The following CNTNAP5 variants were observed in gnomAD, a reference collection of about 807,000 sequenced individuals.
CNTNAP5 encodes the protein contactin associated protein family member 5.
Under a neutral mutation model 150.2 loss-of-function variants are expected in CNTNAP5, and 72 were observed. That is an observed-to-expected ratio of 0.48 (90% confidence interval 0.40 to 0.58). CNTNAP5 has a LOEUF of 0.58. Ranked by LOEUF, CNTNAP5 falls within the 20% of genes least tolerant of loss-of-function variation. The probability of loss-of-function intolerance (pLI) is 0.00; values close to 1 mark genes in which losing one functional copy is unlikely to be tolerated. For missense variants in CNTNAP5, 1,636 were observed against 1,626.2 expected (o/e 1.01, Z -0.10); for synonymous variants, 672 against 619.8 (o/e 1.08, Z -1.25).
intron 19 of CNTNAP5, among the ~76,000 whole-genome samples, chr2:124,849,022 G>A (rs976978921): frequency 6.6e-6 from 1 of 152,110 alleles, no homozygotes; most frequent in South Asian, 2.1e-4. Context: ...TTTGGATTTT[G>A]CTGTGTATTC....
chr2:124,235,687 T>A (rs1028218828), intron 2 of CNTNAP5, among the ~76,000 whole-genome samples: 6 of 152,152 alleles, frequency 3.9e-5, no homozygotes, highest in African/African-American at 1.4e-4. Context: ...GTTTTGTAAC[T>A]GACTTCCAGG....
At chr2:124,563,065 T>C (rs1695931083) in intron 10 of CNTNAP5, among the ~76,000 whole-genome samples, 152 bp from the exon 11 acceptor site, 1 of 152,222 alleles carries the variant, frequency 6.6e-6, no homozygotes, top group South Asian at 2.1e-4. Context: ...ATTCATACTA[T>C]TTTGATGTCA....
chr2:124,386,173 T>C (rs1293751668), intron 3 of CNTNAP5, among the ~76,000 whole-genome samples: 3 of 152,194 alleles, frequency 2.0e-5, no homozygotes, highest in Non-Finnish European at 2.9e-5. Context: ...TGCCTTTGTA[T>C]GATAGCTGCG....
At chr2:124,262,619 A>G (rs1687486603) in intron 3 of CNTNAP5, among the ~76,000 whole-genome samples, 1 of 151,856 alleles carries the variant, frequency 6.6e-6, no homozygotes, top group Admixed American at 6.6e-5. Flanking sequence ...TTTTGGGTGG[A>G]GGACAAAATA....
At chr2:124,065,073 A>G (rs1425147646) in intron 1 of CNTNAP5, among the ~76,000 whole-genome samples, 3 of 152,158 alleles carry the variant, frequency 2.0e-5, no homozygotes, top group Admixed American at 1.3e-4. Context: ...ACCTCTCTAT[A>G]GTGGATACGC....
At chr2:124,745,720 G>A (rs777377482) in intron 13 of CNTNAP5, among the ~76,000 whole-genome samples, 3 of 152,190 alleles carry the variant, frequency 2.0e-5, no homozygotes, top group African/African-American at 4.8e-5. Flanking sequence ...CATAGGAATT[G>A]AACTTACTTT....
In CNTNAP5 at chr2:124,242,266, G is replaced by C; in HGVS notation, c.254G>C (p.Arg85Thr). The change falls in exon 3 of 24, where the codon AGA (arginine) becomes ACA (threonine). Residue 85 changes from arginine to threonine, a missense_variant. Arg to Thr is a moderately conservative substitution (Grantham distance 71). Transcript: ENST00000682447. Reference protein sequence around the residue: ...QQWLQMDLGNRVEITAVATQG... With the variant: ...QQWLQMDLGNTVEITAVATQG... Reference sequence around the variant, plus strand: ...TGGCTCCAGATGGACCTGGGAAACAGAGTAGAGATTACAGCAGTGGCCACG... The same window carrying C: ...TGGCTCCAGATGGACCTGGGAAACACAGTAGAGATTACAGCAGTGGCCACG... The C allele has an allele frequency of 6.2e-7, 1 of 1,608,318 alleles. No individual in the cohort carries two copies. Among genetic ancestry groups the C allele is most frequent in the African/African-American group, 1.3e-5 (1 of 74,924 alleles).
At chr2:124,501,164 C>T (rs1377495613) in intron 7 of CNTNAP5, among the ~76,000 whole-genome samples, 2 of 152,196 alleles carry the variant, frequency 1.3e-5, no homozygotes, top group Admixed American at 1.3e-4. Flanking sequence ...TTGATCAATG[C>T]ATCCTTCCTT....
chr2:124,350,117 C>T (rs1229540003), intron 3 of CNTNAP5, among the ~76,000 whole-genome samples: 4 of 151,962 alleles, frequency 2.6e-5, no homozygotes, highest in African/African-American at 7.2e-5. Context: ...CTCTTAACCT[C>T]GTGATCCGCC....
intron 1 of CNTNAP5, among the ~76,000 whole-genome samples, chr2:124,212,871 C>T (rs541245860): frequency 2.9e-4 from 32 of 108,882 alleles, no homozygotes; most frequent in Admixed American, 2.7e-3. Context: ...TGGAGTCTTG[C>T]TCTGTCACCC....
chr2:124,259,054 G>T (rs1363998683), intron 3 of CNTNAP5, among the ~76,000 whole-genome samples: 2 of 128,392 alleles, frequency 1.6e-5, no homozygotes, highest in Non-Finnish European at 3.1e-5. Flanking sequence ...TCCCCACCCT[G>T]TGTCCAAGTG....
chr2:124,612,886 C>G (rs1384932298), intron 12 of CNTNAP5, among the ~76,000 whole-genome samples: 2 of 152,044 alleles, frequency 1.3e-5, no homozygotes, highest in Non-Finnish European at 2.9e-5. Flanking sequence ...AAACCCATCT[C>G]TACTAAAAAT....
intron 10 of CNTNAP5, among the ~76,000 whole-genome samples, chr2:124,535,981 A>C (rs1573443472): frequency 6.6e-6 from 1 of 152,158 alleles, no homozygotes; most frequent in Non-Finnish European, 1.5e-5. Context: ...AACAGTGGGT[A>C]ATATAAAAAG....
intron 3 of CNTNAP5, among the ~76,000 whole-genome samples, chr2:124,306,257 G>A (rs748409434): frequency 7.9e-5 from 12 of 152,118 alleles, no homozygotes; most frequent in South Asian, 4.2e-4. Context: ...GCTCCCAGTC[G>A]CTCCCACCCT....
At chr2:124,625,661 T>A (rs1677706433) in intron 12 of CNTNAP5, among the ~76,000 whole-genome samples, 1 of 152,218 alleles carries the variant, frequency 6.6e-6, no homozygotes, top group South Asian at 2.1e-4. Flanking sequence ...ACAGGGCTTA[T>A]CCTGACTCCT....
At chr2:124,486,233 A>G (rs1367301233) in intron 7 of CNTNAP5, among the ~76,000 whole-genome samples, 2 of 152,200 alleles carry the variant, frequency 1.3e-5, no homozygotes, top group Admixed American at 6.5e-5. Flanking sequence ...GTTCTCACTT[A>G]TAAGTGGGAG....
At chr2:124,315,093 G>A (rs1351080882) in intron 3 of CNTNAP5, among the ~76,000 whole-genome samples, 2 of 151,808 alleles carry the variant, frequency 1.3e-5, no homozygotes, top group African/African-American at 2.4e-5. Flanking sequence ...CTCCCTAGTA[G>A]CTGAGACTCC....
chr2:124,610,550 G>T (rs964184594), intron 12 of CNTNAP5, among the ~76,000 whole-genome samples: 4 of 152,158 alleles, frequency 2.6e-5, no homozygotes, highest in Admixed American at 2.6e-4. Flanking sequence ...TTTCTCAAAT[G>T]CAGAAGGACA....
intron 8 of CNTNAP5, among the ~76,000 whole-genome samples, chr2:124,524,013 A>G (rs965312702): frequency 6.6e-6 from 1 of 151,804 alleles, no homozygotes; most frequent in African/African-American, 2.4e-5. Flanking sequence ...AATACGTGAC[A>G]TAACTTTGGT....
Sources: allele counts gnomAD v4.1 joint callset (sites outside exome capture counted in the v4.1 genomes callset), GRCh38; gene constraint gnomAD v4.1.1; transcripts MANE v1.5; gene names NCBI Gene and HGNC (gene_info 2026-07-23, HGNC 2026-07-21).